PRDM10: variants seen among roughly 807,000 people sequenced by gnomAD.
PRDM10 encodes the protein PR/SET domain 10.
In PRDM10, 65 loss-of-function variants were observed where a neutral mutation model predicts 133.1. The observed-to-expected ratio is 0.49, with a 90% CI of 0.40 to 0.60. PRDM10 has a LOEUF of 0.60. PRDM10 is among the 20% of genes least tolerant of loss of function. The probability of loss-of-function intolerance (pLI) is 0.00; values close to 1 mark genes in which losing one functional copy is unlikely to be tolerated. For missense variants in PRDM10, 1,137 were observed against 1,507.1 expected, an observed-to-expected ratio of 0.75 and a Z score of 4.07; for synonymous variants, 582 against 580.4, an observed-to-expected ratio of 1.00 and a Z score of -0.04.
chr11:130,002,531 TCCCCCCCACCACCACCATCAATTC>T (rs1394827909), intron 1 of PRDM10, among the ~76,000 whole-genome samples, 167 bp downstream of exon 1: 3 of 148,276 alleles, frequency 2.0e-5, no homozygotes, highest in Non-Finnish European at 3.0e-5. Flanking sequence ...CCGGGATTTC[TCCCCCCCACCACCACCATCAATTC>T]CCCCCCCACC....
intron 1 of PRDM10, among the ~76,000 whole-genome samples, chr11:129,965,816 A>G (rs1052621706): frequency 1.3e-5 from 2 of 151,990 alleles, no homozygotes; most frequent in East Asian, 1.9e-4. Context: ...TTTTTCCTGA[A>G]CAGCATTGTA....
rs116580986 is a variant in PRDM10, at chr11:129,998,798, A to C, written c.-119+3924T>G. On this transcript the variant is annotated intron_variant, in intron 1 of 20. Transcript: ENST00000360871. Reference sequence around the variant, plus strand: ...CCAGAGTGCTCCACACAAGTCTTGAAATGGTGAAATGGTGTAATAACTTTT... The same window carrying C: ...CCAGAGTGCTCCACACAAGTCTTGACATGGTGAAATGGTGTAATAACTTTT... Among the ~76,000 whole-genome samples the C allele has an allele frequency of 6.5e-3, 982 of 152,044 alleles. 8 individuals are homozygous for C. The highest frequency in any genetic ancestry group is 0.021 in the African/African-American group (890 of 41,444).
intron 19 of PRDM10, among the ~76,000 whole-genome samples, chr11:129,906,911 G>A (rs1027232698): frequency 6.6e-6 from 1 of 151,546 alleles, no homozygotes; most frequent in Non-Finnish European, 1.5e-5. Flanking sequence ...CTGGGAGGCA[G>A]AGTTGCAGTG....
chr11:129,965,910 G>A (rs1194299571), intron 1 of PRDM10, among the ~76,000 whole-genome samples: 1 of 152,062 alleles, frequency 6.6e-6, no homozygotes, highest in Admixed American at 6.6e-5. Context: ...TGGGGCGTTA[G>A]TAAGCCAAAC....
chr11:129,959,313 TAGGCTCATATTTAAGC>T (rs1951753923), intron 2 of PRDM10, among the ~76,000 whole-genome samples: 1 of 152,236 alleles, frequency 6.6e-6, no homozygotes, highest in Admixed American at 6.5e-5. Flanking sequence ...TTGGAAAAAT[TAGGCTCATATTTAAGC>T]AGGCTTAATT....
At chr11:129,911,054 G>T (rs1370835489) in intron 18 of PRDM10, among the ~76,000 whole-genome samples, 1 of 152,194 alleles carries the variant, frequency 6.6e-6, no homozygotes, top group African/African-American at 2.4e-5. Context: ...GGGATTACAG[G>T]CATGAGACAC....
intron 1 of PRDM10, among the ~76,000 whole-genome samples, chr11:129,987,678 C>T (rs1938503791): frequency 1.3e-5 from 2 of 152,184 alleles, no homozygotes; most frequent in African/African-American, 4.8e-5. Context: ...ATGGTATATC[C>T]ATATAATGGA....
intron 4 of PRDM10, among the ~76,000 whole-genome samples, chr11:129,949,795 A>C (rs1418405359): frequency 1.3e-5 from 2 of 152,042 alleles, no homozygotes; most frequent in Admixed American, 1.3e-4. Flanking sequence ...GTAGCTGGGC[A>C]TGGTAGCGGG....
In PRDM10 at chr11:129,923,643, TGAGAGAGAGA is replaced by T. The variant is rs57429782; in HGVS notation, c.1879-250_1879-241del. Among the ~76,000 whole-genome samples, 859 of 65,870 alleles carry T rather than the reference TGAGAGAGAGA, an allele frequency of 0.013. 9 individuals carry two copies. Among genetic ancestry groups the T allele is most frequent in the Middle Eastern group, 0.081 (6 of 74 alleles). The allele number at this position is 65,870 out of a possible 152,430, so 43.2% of individuals were successfully genotyped here. A position where few individuals can be genotyped will look rare whatever the true frequency, so the allele number is the denominator to read the frequency against. ...CGAACCTCCCCGATGACTTGAAACG[TGAGAGAGAGA>T]GAGAGAGAGAGAGAGAGAGAGAGAG... is the stretch of plus-strand genomic sequence containing the variant. On this transcript the variant is annotated intron_variant, in intron 12 of 20. Transcript: ENST00000360871. The surrounding 1 kb of genome is among the most constrained non-coding windows in gnomAD (Gnocchi z 4.4).
At chr11:129,999,419 T>C (rs1939225996) in intron 1 of PRDM10, among the ~76,000 whole-genome samples, 1 of 152,206 alleles carries the variant, frequency 6.6e-6, no homozygotes, top group Non-Finnish European at 1.5e-5. Flanking sequence ...TATAATAAGT[T>C]AAAATGGTAG....
rs746880596 is a variant in PRDM10 at position 129,914,813 on chromosome 11, C to T, written c.2732G>A (p.Arg911Gln). 1.3e-4 allele frequency: 217 copies of T among 1,614,018 alleles called. 1 individual carries two copies. The East Asian group carries it at 3.8e-3, about 28-fold the overall frequency. The change falls in exon 17 of 21, where the codon CGA (arginine) becomes CAA (glutamine). Residue 911 changes from arginine (R) to glutamine (Q), a missense_variant. Transcript: ENST00000360871. ...ELSQTLTTDY[R>Q]TPQGDYQRIQ... The stretch of plus-strand genomic sequence containing the variant: ...TCTCTGGTAATCCCCTTGTGGCGTT[C>T]GGTAGTCTGTCGTTAAGGTCTGGGA...
intron 1 of PRDM10, among the ~76,000 whole-genome samples, chr11:129,993,016 T>A (rs576977660): frequency 6.6e-6 from 1 of 152,340 alleles, no homozygotes; most frequent in South Asian, 2.1e-4. Context: ...CTGCTGGTCA[T>A]TAAAGTATGC....
In PRDM10 at chr11:129,918,253, G is replaced by A. The variant is rs544088477; in HGVS notation, c.2214+286C>T. On this transcript the variant is annotated intron_variant, in intron 14 of 20. Coordinates refer to ENST00000360871, the MANE Select transcript of PRDM10 (RefSeq NM_199437.2). The surrounding 1 kb of genome is among the most constrained non-coding windows in gnomAD (Gnocchi z 5.3). ...AAGGTGAGAGCAGAGATTGAGATGG[G>A]TAAAGAAAAACAAAAGTAGTAATGA... 7.3e-5 allele frequency among the ~76,000 whole-genome samples: 11 copies of A among 150,618 alleles called. No homozygotes were observed. The highest frequency in any genetic ancestry group is 1.5e-4 in the Non-Finnish European group (10 of 67,784).
At chr11:129,915,972 A>T (rs1950344405) in intron 15 of PRDM10, 112 bp from the exon 16 acceptor site, 1 of 970,966 alleles carries the variant, frequency 1.0e-6, no homozygotes, top group Non-Finnish European at 1.5e-6. Context: ...ATGTAGCCCC[A>T]AATAAAATAT....
At chr11:129,993,309 C>G (rs1938849479) in intron 1 of PRDM10, among the ~76,000 whole-genome samples, 1 of 152,164 alleles carries the variant, frequency 6.6e-6, no homozygotes, top group Non-Finnish European at 1.5e-5. Context: ...AAATGTTTCT[C>G]TATACTAAGG....
chr11:129,944,949 A>T lies in PRDM10; in HGVS notation c.584T>A (p.Ile195Asn). The T allele has an allele frequency of 6.2e-7, 1 of 1,613,796 alleles. No individual in the cohort carries two copies. Among genetic ancestry groups the T allele is most frequent in the Non-Finnish European group, 8.5e-7 (1 of 1,179,954 alleles). ...CCGGGTGAGCACCGGCCGGTTGGGG[A>T]TCGGGTGCAAGGGGCCGTGCTTCGG... The part of the protein sequence containing the change: ...VCPKHGPLHP[I>N]PNRPVLTRAR... Residue 195 changes from isoleucine (I) to asparagine (N), a missense_variant, in exon 6 of 21, where the codon ATC (isoleucine) becomes AAC (asparagine). Physicochemically the swap from Ile to Asn is moderately radical, Grantham distance 149. This residue lies in a region of PRDM10 where 635 missense variants were observed against 835.2 expected (regional missense o/e 0.76). Coordinates refer to ENST00000360871, the MANE Select transcript of PRDM10 (RefSeq NM_199437.2).
rs143988395 is a variant in PRDM10 at position 129,955,416 on chromosome 11, A to G, written c.294+96T>C. 1.6e-3 allele frequency: 1,871 copies of G among 1,193,208 alleles called. 3 individuals are homozygous for G. The highest frequency in any genetic ancestry group is 1.9e-3 in the Non-Finnish European group (1,598 of 835,586). The allele number at this position is 1,193,208 out of a possible 1,614,324, so 73.9% of individuals were successfully genotyped here. A position where few individuals can be genotyped will look rare whatever the true frequency, so the allele number is the denominator to read the frequency against. On this transcript the variant is annotated intron_variant, in intron 4 of 20. Transcript: ENST00000360871. ...GAACATTCTTAGTACATGAGAAACA[A>G]ACATCCAGAGATGGTGCAGTGCAAA...
At chr11:129,931,351 CATA>C in intron 10 of PRDM10, 93 bp from the exon 11 acceptor site, 1 of 1,442,844 alleles carries the variant, frequency 6.9e-7, no homozygotes, top group South Asian at 1.4e-5. Context: ...TGACTAGATT[CATA>C]ATACTCAGAA....
chr11:130,001,884 G>A (rs1169416289), intron 1 of PRDM10, among the ~76,000 whole-genome samples: 2 of 151,788 alleles, frequency 1.3e-5, no homozygotes, highest in East Asian at 1.9e-4. Flanking sequence ...CTCGGCCTCC[G>A]CCTCCGCCCG....
Sources: allele counts gnomAD v4.1 joint callset (sites outside exome capture counted in the v4.1 genomes callset), GRCh38; gene constraint gnomAD v4.1.1; regional missense constraint gnomAD v4.1.1; non-coding constraint Gnocchi (gnomAD v3.1); transcripts MANE v1.5; gene names NCBI Gene and HGNC (gene_info 2026-07-23, HGNC 2026-07-21).